The following PLEKHA5 variants were observed in gnomAD, a reference collection of about 807,000 sequenced individuals.
PLEKHA5 encodes pleckstrin homology domain-containing family A member 5.
In PLEKHA5, 55 loss-of-function variants were observed where a neutral mutation model predicts 181.9. The observed-to-expected ratio is 0.30, with a 90% CI of 0.24 to 0.38. PLEKHA5 has a LOEUF of 0.38. Ranked by LOEUF, PLEKHA5 falls within the 10% of genes least tolerant of loss-of-function variation. PLEKHA5 has a pLI of 1.00. For missense variants in PLEKHA5, 1,432 were observed against 1,549.5 expected (o/e 0.92, Z 1.27); for synonymous variants, 535 against 529.4 (o/e 1.01, Z -0.15).
chr12:19,268,465 C>T (rs1044925794), intron 8 of PLEKHA5, among the ~76,000 whole-genome samples: 2 of 152,166 alleles, frequency 1.3e-5, no homozygotes, highest in African/African-American at 4.8e-5. Context: ...TTATCTGTAA[C>T]AATGATAGTA....
At chr12:19,343,857 A>G (rs986029030) in intron 22 of PLEKHA5, among the ~76,000 whole-genome samples, 6 of 152,136 alleles carry the variant, frequency 3.9e-5, no homozygotes, top group Middle Eastern at 3.2e-3. Flanking sequence ...GTTCAAGACC[A>G]GCTTGGCCAA....
At chr12:19,166,683 T>C (rs1482254988) in intron 3 of PLEKHA5, among the ~76,000 whole-genome samples, 1 of 152,208 alleles carries the variant, frequency 6.6e-6, no homozygotes, top group East Asian at 1.9e-4. Flanking sequence ...TCCATGTTTG[T>C]AACTATAATA....
At chr12:19,287,250 C>T (rs2077417080) in intron 12 of PLEKHA5, among the ~76,000 whole-genome samples, 1 of 152,158 alleles carries the variant, frequency 6.6e-6, no homozygotes, top group South Asian at 2.1e-4. Flanking sequence ...GTGATCTGTC[C>T]ACCCTGGCCT....
intron 25 of PLEKHA5, 86 bp from the exon 26 acceptor site, chr12:19,353,798 A>C: frequency 2.7e-6 from 2 of 744,522 alleles, no homozygotes; most frequent in Non-Finnish European, 4.8e-6. Flanking sequence ...TCTGATTTTA[A>C]AAAGTGTCAG....
intron 2 of PLEKHA5, among the ~76,000 whole-genome samples, chr12:19,132,045 T>C (rs915765093): frequency 3.3e-5 from 5 of 152,192 alleles, no homozygotes; most frequent in Admixed American, 1.3e-4. Flanking sequence ...TTGCCTGTTA[T>C]ACCCAGCTTT....
At chr12:19,359,973 A>G (rs2153231644) in intron 28 of PLEKHA5, among the ~76,000 whole-genome samples, 1 of 152,050 alleles carries the variant, frequency 6.6e-6, no homozygotes, top group East Asian at 1.9e-4. Context: ...CCATCTCAAA[A>G]AAAAAAAGAA....
intron 25 of PLEKHA5, among the ~76,000 whole-genome samples, chr12:19,349,052 G>A (rs2094464564): frequency 1.3e-5 from 2 of 150,218 alleles, no homozygotes; most frequent in Admixed American, 6.7e-5. Flanking sequence ...TCCTGGGAGA[G>A]TTTTCTTTTT....
intron 3 of PLEKHA5, among the ~76,000 whole-genome samples, chr12:19,143,946 T>A (rs2038168892): frequency 6.6e-6 from 1 of 152,180 alleles, no homozygotes; most frequent in Non-Finnish European, 1.5e-5. Context: ...TGCATGTCTG[T>A]TTTTTGTAGA....
intron 3 of PLEKHA5, among the ~76,000 whole-genome samples, chr12:19,182,282 C>T (rs138770830): frequency 7.2e-5 from 11 of 152,164 alleles, no homozygotes; most frequent in African/African-American, 2.2e-4. Context: ...CGCATCCAAG[C>T]GATTTCTTTC....
chr12:19,307,345 G>T (rs956553623), intron 15 of PLEKHA5: 7 of 313,888 alleles, frequency 2.2e-5, no homozygotes, highest in African/African-American at 6.7e-5. Context: ...GGTGGCGCAT[G>T]CCTGTAATCC....
intron 22 of PLEKHA5, among the ~76,000 whole-genome samples, chr12:19,343,704 T>C (rs2094118084): frequency 2.0e-5 from 3 of 152,124 alleles, no homozygotes; most frequent in Admixed American, 6.6e-5. Flanking sequence ...TATCTAAACA[T>C]AGAAAAGGTA....
At chr12:19,223,135 G>T (rs189699041) in intron 3 of PLEKHA5, among the ~76,000 whole-genome samples, 52 of 151,180 alleles carry the variant, frequency 3.4e-4, no homozygotes, top group African/African-American at 1.2e-3. Context: ...GCTACAACCC[G>T]TGGCTCCTAA....
At chr12:19,159,113 A>G (rs1035408755) in intron 3 of PLEKHA5, among the ~76,000 whole-genome samples, 9 of 152,316 alleles carry the variant, frequency 5.9e-5, no homozygotes, top group African/African-American at 2.2e-4. Context: ...GTCATAAAAA[A>G]AGAGTTTGTT....
chr12:19,350,413 C>T (rs2094535873), intron 25 of PLEKHA5, among the ~76,000 whole-genome samples: 1 of 152,182 alleles, frequency 6.6e-6, no homozygotes. Flanking sequence ...AAGTGCTTAT[C>T]ATAACCCACT....
chr12:19,287,692 A>T (rs1218637628), intron 13 of PLEKHA5, 136 bp downstream of exon 13: 2 of 614,022 alleles, frequency 3.3e-6, no homozygotes, highest in East Asian at 2.8e-5. Context: ...TGTGCAAGAG[A>T]TGCTCATCAG....
At chr12:19,250,417 C>G (rs2064968705) in intron 3 of PLEKHA5, among the ~76,000 whole-genome samples, 1 of 152,090 alleles carries the variant, frequency 6.6e-6, no homozygotes, top group Non-Finnish European at 1.5e-5. Context: ...AAACCCCTCT[C>G]TACTAAAACT....
At chr12:19,281,813 A>G (rs187209752) in intron 11 of PLEKHA5, among the ~76,000 whole-genome samples, 244 of 151,552 alleles carry the variant, frequency 1.6e-3, no homozygotes, top group African/African-American at 5.4e-3. Flanking sequence ...ATGGAGTCTC[A>G]CTCTGTCGCC....
At chr12:19,216,662 CAAA>C (rs1171983389) in intron 3 of PLEKHA5, among the ~76,000 whole-genome samples, 1 of 96,406 alleles carries the variant, frequency 1.0e-5, no homozygotes, top group Non-Finnish European at 2.2e-5. Context: ...GAATCCATCT[CAAA>C]AAAAAAAAAA....
chr12:19,353,154 TA>T (rs1205394850), intron 25 of PLEKHA5, among the ~76,000 whole-genome samples: 1 of 151,714 alleles, frequency 6.6e-6, no homozygotes, highest in Non-Finnish European at 1.5e-5. Context: ...TTTATTTATT[TA>T]TTTTTTTATT....
Sources: gnomAD v4.1 joint callset for allele counts (sites outside exome capture counted in the v4.1 genomes callset) on GRCh38, gnomAD v4.1.1 for gene constraint, MANE v1.5 for transcripts, NCBI Gene and HGNC (gene_info 2026-07-23, HGNC 2026-07-21) for gene names.